The following CSAD variants were observed in gnomAD, a reference collection of about 807,000 sequenced individuals.
CSAD encodes the protein P-selectin cytoplasmic tail-associated protein.
A neutral mutation model predicts 61.5 loss-of-function variants in CSAD; 47 were observed. The ratio of observed to expected loss-of-function variants is 0.76; its 90% CI spans 0.60 to 0.97. The LOEUF is 0.97. Among genes scored for constraint, CSAD ranks in the 50% least tolerant of loss-of-function variants. The probability of loss-of-function intolerance (pLI) is 0.00; values close to 1 mark genes in which losing one functional copy is unlikely to be tolerated. For missense variants in CSAD, 611 were observed against 643.6 expected, an observed-to-expected ratio of 0.95 and a Z score of 0.55; for synonymous variants, 245 against 252.7, an observed-to-expected ratio of 0.97 and a Z score of 0.29.
At chr12:53,170,664 A>C in intron 8 of CSAD, 162 bp from the exon 9 acceptor site, 1 of 638,944 alleles carries the variant, frequency 1.6e-6, no homozygotes. Context: ...AATGAAATGC[A>C]GGTTCTGGTC....
intron 10 of CSAD, among the ~76,000 whole-genome samples, chr12:53,165,679 A>AAAG (rs1360676551): frequency 6.6e-6 from 1 of 151,582 alleles, no homozygotes; most frequent in African/African-American, 2.4e-5. Flanking sequence ...AAAAAAAAAA[A>AAAG]AAGAAGAAGA....
chr12:53,173,252 G>GA, intron 4 of CSAD, 93 bp downstream of exon 4: 1 of 1,129,458 alleles, frequency 8.9e-7, no homozygotes, highest in Non-Finnish European at 1.3e-6. Flanking sequence ...AAGAAGGAAG[G>GA]AAGGGGGGGG....
Position 53,180,823 on chromosome 12 carries a change from G to C in CSAD, c.-182C>G, listed in dbSNP as rs187048132. 127 of 1,271,850 alleles carry C rather than the reference G, an allele frequency of 1.0e-4. 2 individuals are homozygous for C. In the East Asian group the frequency reaches 8.0e-3, roughly 80 times the overall value. The allele number at this position is 1,271,850 out of a possible 1,614,324, so 78.8% of individuals were successfully genotyped here. On this transcript the variant is annotated 5_prime_UTR_variant, in exon 1 of 17. Transcript: ENST00000444623. Reference sequence around the variant, plus strand: ...CCGCGCGGCCAGGGAGCCAGCGGGAGGCCGCGCCTGGCAGGTAGGAGCAAG... The same window carrying C: ...CCGCGCGGCCAGGGAGCCAGCGGGACGCCGCGCCTGGCAGGTAGGAGCAAG...
chr12:53,172,347 G>C lies in CSAD; in HGVS notation c.343C>G (p.Gln115Glu). ...GTAGAGGGGCCTTGGGATGCTCACTGGCTGGTGTTGAGGCTCTCAGTGATA... is the reference window on the plus strand; with the variant it reads ...GTAGAGGGGCCTTGGGATGCTCACTCGCTGGTGTTGAGGCTCTCAGTGATA... ...RIITESLNTS[Q>E]YTYEIAPVFV... Residue 115 changes from glutamine to glutamate, a missense_variant and splice_region_variant, in exon 6 of 17, where the codon CAG becomes GAG. Physicochemically the swap from Gln to Glu is conservative, Grantham distance 29 (BLOSUM62 2). Transcript: ENST00000444623. 6.2e-7 allele frequency: 1 copy of C among 1,613,624 alleles called. No individual in the cohort carries two copies. Among genetic ancestry groups the C allele is most frequent in the Non-Finnish European group, 8.5e-7 (1 of 1,179,606 alleles).
At chr12:53,169,495 A>G (rs1047901730) in intron 10 of CSAD, among the ~76,000 whole-genome samples, 1 of 147,230 alleles carries the variant, frequency 6.8e-6, no homozygotes, top group African/African-American at 2.6e-5. Context: ...AAAAAAAAAA[A>G]TTTTTACATT....
intron 1 of CSAD, chr12:53,180,397 G>C (rs1297179918): frequency 1.2e-5 from 12 of 985,148 alleles, no homozygotes; most frequent in Non-Finnish European, 1.4e-5. Flanking sequence ...GTCTGAACCA[G>C]CTCACCCAGC....
chr12:53,161,195 T>C lies in CSAD; in HGVS notation c.820-4A>G, dbSNP rs754587662. Reference sequence around the variant, plus strand: ...GGACGCTCCCACCCCAGGCAGCCTGTGGAGCAGGAGGAACAACGTGGGCCT... The same window carrying C: ...GGACGCTCCCACCCCAGGCAGCCTGCGGAGCAGGAGGAACAACGTGGGCCT... On this transcript the variant is annotated splice_region_variant and splice_polypyrimidine_tract_variant and intron_variant, in intron 11 of 16. Coordinates refer to ENST00000444623, the MANE Select transcript of CSAD (RefSeq NM_001244705.2). 6.2e-7 allele frequency: 1 copy of C among 1,614,138 alleles called. No homozygotes were observed. The highest frequency in any genetic ancestry group is 2.2e-5 in the East Asian group (1 of 44,858).
intron 14 of CSAD, 73 bp downstream of exon 14, chr12:53,160,047 G>A (rs1254476492): frequency 6.9e-5 from 110 of 1,603,292 alleles, no homozygotes; most frequent in Non-Finnish European, 9.3e-5. Flanking sequence ...AGTAATCCCG[G>A]GAGCAGGAAA....
rs759452519 is a variant in CSAD, at chr12:53,171,332, C to T, written c.561G>A (p.Ser187=). 4.3e-6 allele frequency: 7 copies of T among 1,613,938 alleles called. No individual in the cohort carries two copies. Among genetic ancestry groups the T allele is most frequent in the South Asian group, 3.3e-5 (3 of 91,088 alleles). ...GCCTGTGCCTCTTCCCCACCTCCTT[C>T]GATGTGAATAGGGCCAGGGGCGGCA... ...RTLPPLALFT[S]KECHYSIQKG... Residue 187 remains serine (S), a synonymous_variant, in exon 8 of 17, where the codon TCG becomes TCA. Coordinates refer to ENST00000444623, the MANE Select transcript of CSAD (RefSeq NM_001244705.2).
rs1421294185 is a variant in CSAD, at chr12:53,172,446, G to A, written c.254-10C>T. The stretch of plus-strand genomic sequence containing the variant: ...AAGAACCGAGGGTGACCTGGAGAAG[G>A]AGAGTAAGCCAGGGAGCTCAGAGTA... On this transcript the variant is annotated splice_polypyrimidine_tract_variant and intron_variant, in intron 5 of 16. Transcript: ENST00000444623. 3 of 1,613,978 alleles carry A rather than the reference G, an allele frequency of 1.9e-6. No individual in the cohort carries two copies. Among genetic ancestry groups the A allele is most frequent in the South Asian group, 2.2e-5 (2 of 91,086 alleles).
intron 2 of CSAD, among the ~76,000 whole-genome samples, chr12:53,178,833 T>C (rs773917389): frequency 5.3e-5 from 8 of 152,136 alleles, no homozygotes; most frequent in Non-Finnish European, 8.8e-5. Flanking sequence ...ACATATCCTA[T>C]CTATAAATCC....
chr12:53,180,465 C>T (rs1373966843), intron 1 of CSAD: 3 of 1,208,248 alleles, frequency 2.5e-6, no homozygotes, highest in Non-Finnish European at 3.1e-6. Context: ...AGGGTCCTGC[C>T]CTCAGTCTCG....
chr12:53,179,704 T>C, intron 1 of CSAD: 1 of 1,320,422 alleles, frequency 7.6e-7, no homozygotes, highest in Non-Finnish European at 1.1e-6. Flanking sequence ...TTGTCTTTTT[T>C]TCATCATACA....
chr12:53,162,819 T>C (rs1939441647), intron 10 of CSAD, among the ~76,000 whole-genome samples: 1 of 151,934 alleles, frequency 6.6e-6, no homozygotes, highest in South Asian at 2.1e-4. Flanking sequence ...CCCAGCACTT[T>C]GGGAGGCCGA....
At chr12:53,177,282 G>A (rs77258942) in intron 2 of CSAD, among the ~76,000 whole-genome samples, 4 of 152,268 alleles carry the variant, frequency 2.6e-5, no homozygotes, top group African/African-American at 7.2e-5. Flanking sequence ...TCCCTGGCTT[G>A]TTCCTAGCAA....
intron 8 of CSAD, chr12:53,171,068 C>T (rs1045532618): frequency 3.0e-5 from 19 of 639,502 alleles, no homozygotes; most frequent in Non-Finnish European, 4.6e-5. Flanking sequence ...TGCTGCTGGT[C>T]CACAGACCAC....
intron 2 of CSAD, 145 bp from the exon 3 acceptor site, chr12:53,173,915 T>C (rs774120122): frequency 2.7e-5 from 20 of 749,976 alleles, no homozygotes; most frequent in Non-Finnish European, 4.5e-5. Context: ...AAAACCTCAG[T>C]AGCAGTCATT....
intron 4 of CSAD, among the ~76,000 whole-genome samples, 158 bp from the exon 5 acceptor site, chr12:53,172,806 A>G (rs1940742067): frequency 6.6e-6 from 1 of 152,240 alleles, no homozygotes; most frequent in Admixed American, 6.5e-5. Flanking sequence ...TAGTGAACAC[A>G]GTAAGACCCA....
intron 10 of CSAD, chr12:53,164,851 G>T (rs1486930561): frequency 6.6e-6 from 1 of 152,090 alleles, no homozygotes; most frequent in Non-Finnish European, 1.5e-5. Flanking sequence ...GTAATAAAAA[G>T]ACAACATAAT....
Sources: gnomAD v4.1 joint callset for allele counts (sites outside exome capture counted in the v4.1 genomes callset) on GRCh38, gnomAD v4.1.1 for gene constraint, MANE v1.5 for transcripts, NCBI Gene and HGNC (gene_info 2026-07-23, HGNC 2026-07-21) for gene names.